Variants in ROBO2 observed in about 807,000 individuals in gnomAD.
The protein encoded by ROBO2 is roundabout homolog 2.
ROBO2 carries 53 observed loss-of-function variants against 160.8 expected under a neutral mutation model. The ratio of observed to expected loss-of-function variants is 0.33; its 90% CI spans 0.26 to 0.41. The LOEUF (loss-of-function observed/expected upper bound fraction) is 0.41, where lower values mean the gene tolerates loss of function less well. Ranked by LOEUF, ROBO2 falls within the 10% of genes least tolerant of loss-of-function variation. The pLI, the probability that ROBO2 is intolerant of heterozygous loss-of-function variation, is 1.00. For missense variants in ROBO2, 1,577 were observed against 1,722.4 expected (o/e 0.92, Z 1.49); for synonymous variants, 664 against 611.7 (o/e 1.09, Z -1.26).
intron 2 of ROBO2, among the ~76,000 whole-genome samples, chr3:77,289,733 T>C (rs1172154605): frequency 6.6e-6 from 1 of 151,818 alleles, no homozygotes; most frequent in Non-Finnish European, 1.5e-5. Context: ...ACGGGTAAGC[T>C]GAGGCTAGAT....
chr3:76,743,745 G>A (rs758968239), intron 2 of ROBO2, among the ~76,000 whole-genome samples: 1 of 151,210 alleles, frequency 6.6e-6, no homozygotes, highest in African/African-American at 2.4e-5. Context: ...TGCAAATTTA[G>A]CACTTATATT....
chr3:75,989,909 T>C (rs952098683), intron 2 of ROBO2, among the ~76,000 whole-genome samples: 3 of 152,240 alleles, frequency 2.0e-5, no homozygotes, highest in Non-Finnish European at 4.4e-5. Context: ...TCTGCCACAC[T>C]GTTACTGATC....
intron 2 of ROBO2, among the ~76,000 whole-genome samples, chr3:76,868,943 T>C (rs1378430920): frequency 6.6e-6 from 1 of 152,162 alleles, no homozygotes; most frequent in Non-Finnish European, 1.5e-5. Flanking sequence ...TTTTTCAGAA[T>C]GGATAACTAG....
At chr3:77,615,366 G>A (rs1489903515) in intron 21 of ROBO2, among the ~76,000 whole-genome samples, 2 of 152,140 alleles carry the variant, frequency 1.3e-5, no homozygotes, top group East Asian at 3.9e-4. Flanking sequence ...AGAGTCCATA[G>A]TTTACATTAG....
At chr3:76,691,579 A>C (rs1385543314) in intron 2 of ROBO2, among the ~76,000 whole-genome samples, 2 of 152,212 alleles carry the variant, frequency 1.3e-5, no homozygotes, top group African/African-American at 4.8e-5. Flanking sequence ...AGAGGCTTCG[A>C]TGAGAGAATG....
chr3:76,479,557 C>A lies in ROBO2; in HGVS notation c.109+541955C>A, dbSNP rs561306135. ...TATTTCCAGCTTATACTGAAGTAAC[C>A]ACTTGTAAAAGAAATTGCCCCAAGT... is the stretch of plus-strand genomic sequence containing the variant. On this transcript the variant is annotated intron_variant, in intron 2 of 26. Coordinates refer to the ROBO2 transcript ENST00000487694. Among the ~76,000 whole-genome samples the A allele has an allele frequency of 3.3e-5, 5 of 152,220 alleles. No homozygotes were observed. In the East Asian group the frequency reaches 9.7e-4, roughly 29 times the overall value.
chr3:77,404,956 A>T (rs1486738312), intron 2 of ROBO2, among the ~76,000 whole-genome samples: 1 of 152,094 alleles, frequency 6.6e-6, no homozygotes, highest in Non-Finnish European at 1.5e-5. Flanking sequence ...TCCCCAACTG[A>T]TGTTGTTTCT....
intron 2 of ROBO2, among the ~76,000 whole-genome samples, chr3:76,284,701 A>C (rs1363605239): frequency 6.6e-6 from 1 of 152,250 alleles, no homozygotes; most frequent in East Asian, 1.9e-4. Context: ...AAATTTGGCT[A>C]CCAAGTTTAA....
At chr3:76,974,850 A>G (rs1362386632) in intron 2 of ROBO2, among the ~76,000 whole-genome samples, 1 of 152,180 alleles carries the variant, frequency 6.6e-6, no homozygotes, top group Non-Finnish European at 1.5e-5. Flanking sequence ...AAATCATACC[A>G]TTCAAAAAAG....
chr3:76,467,290 A>T (rs902132118), intron 2 of ROBO2, among the ~76,000 whole-genome samples: 12 of 152,106 alleles, frequency 7.9e-5, no homozygotes, highest in Admixed American at 7.2e-4. Flanking sequence ...TTATTATTTT[A>T]AAAAACTCAT....
At chr3:77,319,001 T>G (rs1394165879) in intron 2 of ROBO2, among the ~76,000 whole-genome samples, 1 of 152,180 alleles carries the variant, frequency 6.6e-6, no homozygotes, top group East Asian at 1.9e-4. Context: ...ATCTGGCAGA[T>G]CCGTCTTCTA....
intron 2 of ROBO2, among the ~76,000 whole-genome samples, chr3:76,843,336 C>G (rs1002948605): frequency 6.6e-6 from 1 of 151,738 alleles, no homozygotes; most frequent in African/African-American, 2.4e-5. Context: ...TGAGAGGGAT[C>G]ATATGACTCA....
intron 2 of ROBO2, among the ~76,000 whole-genome samples, chr3:76,282,156 C>T (rs1019920060): frequency 1.3e-5 from 2 of 151,936 alleles, no homozygotes; most frequent in African/African-American, 4.8e-5. Context: ...AAACTCTTTA[C>T]CTGCATAAGA....
intron 2 of ROBO2, among the ~76,000 whole-genome samples, chr3:76,022,780 C>G (rs2066611701): frequency 6.6e-6 from 1 of 151,698 alleles, no homozygotes; most frequent in South Asian, 2.1e-4. Context: ...TGAATATTGG[C>G]TTCAACTTCA....
chr3:76,192,275 G>A (rs1201878272), intron 2 of ROBO2, among the ~76,000 whole-genome samples: 1 of 151,224 alleles, frequency 6.6e-6, no homozygotes, highest in Admixed American at 6.6e-5. Context: ...TTAGTAACCT[G>A]ACCTTCGATT....
chr3:76,416,472 C>T (rs1226713881), intron 2 of ROBO2, among the ~76,000 whole-genome samples: 1 of 152,034 alleles, frequency 6.6e-6, no homozygotes, highest in Non-Finnish European at 1.5e-5. Flanking sequence ...TAAAACCGTA[C>T]ATAATTTACA....
intron 1 of ROBO2, among the ~76,000 whole-genome samples, chr3:77,052,782 A>C (rs961027771): frequency 6.6e-6 from 1 of 152,170 alleles, no homozygotes; most frequent in African/African-American, 2.4e-5. Context: ...TCATATTCAG[A>C]ATGTTATCTA....
intron 2 of ROBO2, among the ~76,000 whole-genome samples, chr3:76,102,202 A>T (rs1241895067): frequency 6.6e-6 from 1 of 152,238 alleles, no homozygotes; most frequent in Admixed American, 6.5e-5. Context: ...TTTGAATCTG[A>T]AATCACATCA....
intron 2 of ROBO2, among the ~76,000 whole-genome samples, chr3:76,024,191 A>C (rs754333201): frequency 4.6e-5 from 7 of 151,460 alleles, no homozygotes; most frequent in Non-Finnish European, 8.9e-5. Flanking sequence ...ATAACATTAA[A>C]ATGAGCCATG....
Sources: allele counts gnomAD v4.1 joint callset (sites outside exome capture counted in the v4.1 genomes callset), GRCh38; gene constraint gnomAD v4.1.1; transcripts MANE v1.5; gene names NCBI Gene and HGNC (gene_info 2026-07-23, HGNC 2026-07-21).